TNFAIP3: variants seen among roughly 807,000 people sequenced by gnomAD.
The protein encoded by TNFAIP3 is TNF alpha induced protein 3, also known as tumor necrosis factor alpha-induced protein 3.
In TNFAIP3, 9 loss-of-function variants were observed where a neutral mutation model predicts 72.4. The observed-to-expected ratio is 0.12, with a 90% CI of 0.07 to 0.22. TNFAIP3 has a LOEUF of 0.22. TNFAIP3 is among the 10% of genes least tolerant of loss of function. The pLI is 1.00. For missense variants in TNFAIP3, 833 were observed against 1,018.7 expected (o/e 0.82, Z 2.48); for synonymous variants, 339 against 372.6 (o/e 0.91, Z 1.04).
intron 1 of TNFAIP3, chr6:137,868,103 A>T (rs548461270): frequency 2.6e-5 from 4 of 153,142 alleles, no homozygotes; most frequent in Admixed American, 1.3e-4. Context: ...TTCCAGTAGC[A>T]GCAGTGTAAG....
At chr6:137,875,165 T>C (rs546077675) in intron 3 of TNFAIP3, 130 bp downstream of exon 3, 1 of 1,083,344 alleles carries the variant, frequency 9.2e-7, no homozygotes, top group Admixed American at 2.3e-5. Flanking sequence ...CGAAGCATAC[T>C]CAATGGAAAA....
chr6:137,867,035 C>A (rs1396644729), upstream of TNFAIP3, among the ~76,000 whole-genome samples: 1 of 49,492 alleles, frequency 2.0e-5, no homozygotes, highest in Non-Finnish European at 4.1e-5. This position sits in a 1 kb window ranked among gnomAD's most constrained non-coding sequence, Gnocchi z 6.0. Context: ...CTGCAGGGAC[C>A]GGGCGGGGCG....
chr6:137,875,608 G>C, intron 3 of TNFAIP3, 80 bp from the exon 4 acceptor site: 1 of 1,488,984 alleles, frequency 6.7e-7, no homozygotes, highest in East Asian at 2.3e-5. Flanking sequence ...ATGAATAATT[G>C]TAGAGTGATG....
At position 137,875,848 on chromosome 6, in the gene TNFAIP3, C is replaced by G; in HGVS notation, c.634+13C>G. ...ATTGTCATTTCAGGTGAGATGCCTG[C>G]AGATCACGGATCTGTACTTAAATGC... On this transcript the variant is annotated intron_variant, in intron 4 of 8. Coordinates refer to ENST00000612899, the MANE Select transcript of TNFAIP3 (RefSeq NM_001270508.2). 1 of 1,614,012 alleles carries G rather than the reference C, an allele frequency of 6.2e-7. No homozygotes were observed. Among genetic ancestry groups the G allele is most frequent in the Non-Finnish European group, 8.5e-7 (1 of 1,179,926 alleles).
chr6:137,878,770 C>T lies in TNFAIP3; in HGVS notation c.1325C>T (p.Ala442Val), dbSNP rs894381079. The T allele has an allele frequency of 6.2e-7, 1 of 1,614,116 alleles. No homozygotes were observed. The highest frequency in any genetic ancestry group is 8.5e-7 in the Non-Finnish European group (1 of 1,180,040). The change falls in exon 7 of 9, where the codon GCC becomes GTC. Residue 442 changes from alanine (A) to valine (V), a missense_variant. Around this residue, in one of 2 missense-constraint regions of TNFAIP3, gnomAD observed 587 missense variants for 657.8 expected, o/e 0.89. Coordinates refer to ENST00000612899, the MANE Select transcript of TNFAIP3 (RefSeq NM_001270508.2). Reference protein sequence around the residue: ...GMALGASRGEAYEPLAWNPEE... With the variant: ...GMALGASRGEVYEPLAWNPEE... The stretch of plus-strand genomic sequence containing the variant: ...GCGCTCGGGGCCTCTCGGGGAGAAG[C>T]CTATGAGCCCTTGGCGTGGAACCCT...
chr6:137,881,268 G>A lies in TNFAIP3; in HGVS notation c.2322G>A (p.Lys774=), dbSNP rs1776452096. The A allele has an allele frequency of 6.3e-7, 1 of 1,588,540 alleles. No individual in the cohort carries two copies. The highest frequency in any genetic ancestry group is 1.4e-5 in the African/African-American group (1 of 73,932). Residue 774 remains lysine (K), a synonymous_variant, in exon 9 of 9, where the codon AAG becomes AAA. Coordinates refer to ENST00000612899, the MANE Select transcript of TNFAIP3 (RefSeq NM_001270508.2). This position sits in a 1 kb window ranked among gnomAD's most constrained non-coding sequence, Gnocchi z 5.0. Reference sequence around the variant, plus strand: ...CCTGTGATCATTTTGGCAATGCCAAGTGCAACGGCTACTGCAACGAATGCT... The same window carrying A: ...CCTGTGATCATTTTGGCAATGCCAAATGCAACGGCTACTGCAACGAATGCT... The part of the protein sequence containing the change: ...APACDHFGNA[K]CNGYCNECFQ...
chr6:137,871,915 A>G lies in TNFAIP3; in HGVS notation c.295+393A>G, dbSNP rs544130807. ...AGAATGGTGTGAAAACTGGTAGTACATTTGTTTCCCACTGTCATTAGAAAA... is the reference window on the plus strand; with the variant it reads ...AGAATGGTGTGAAAACTGGTAGTACGTTTGTTTCCCACTGTCATTAGAAAA... On this transcript the variant is annotated intron_variant, in intron 2 of 8. Transcript: ENST00000612899. This position sits in a 1 kb window ranked among gnomAD's most constrained non-coding sequence, Gnocchi z 4.2. Among the ~76,000 whole-genome samples the G allele has an allele frequency of 6.6e-6, 1 of 152,320 alleles. No homozygotes were observed. The highest frequency in any genetic ancestry group is 2.1e-4 in the South Asian group (1 of 4,828).
At chr6:137,872,557 G>C (rs1011399954) in intron 2 of TNFAIP3, among the ~76,000 whole-genome samples, 8 of 152,152 alleles carry the variant, frequency 5.3e-5, no homozygotes, top group African/African-American at 1.9e-4. Flanking sequence ...GGCTTTTTTT[G>C]ACTTGGGTAA....
Position 137,881,447 on chromosome 6 carries a change from A to G in TNFAIP3, c.*128A>G. 1.2e-6 allele frequency: 1 copy of G among 850,944 alleles called. No individual in the cohort carries two copies. The highest frequency in any genetic ancestry group is 1.8e-6 in the Non-Finnish European group (1 of 565,020). The allele number at this position is 850,944 out of a possible 1,614,324, so 52.7% of individuals were successfully genotyped here. A position where few individuals can be genotyped will look rare whatever the true frequency, so the allele number is the denominator to read the frequency against. On this transcript the variant is annotated 3_prime_UTR_variant, in exon 9 of 9. Transcript: ENST00000612899. The surrounding 1 kb of genome is among the most constrained non-coding windows in gnomAD (Gnocchi z 5.0). Reference sequence around the variant, plus strand: ...TTAAGGGTGTCTGAGCAGGAGAGGAAAGATAAGCTCTTCGTGGTGCCCACG... The same window carrying G: ...TTAAGGGTGTCTGAGCAGGAGAGGAGAGATAAGCTCTTCGTGGTGCCCACG...
At chr6:137,875,110 C>T (rs1424808037) in intron 3 of TNFAIP3, 75 bp downstream of exon 3, 1 of 1,532,926 alleles carries the variant, frequency 6.5e-7, no homozygotes, top group Non-Finnish European at 9.0e-7. Context: ...GAGTCCCTGC[C>T]CTCTGGTAGC....
At chr6:137,874,653 A>G (rs941722522) in intron 2 of TNFAIP3, among the ~76,000 whole-genome samples, 192 bp from the exon 3 acceptor site, 1 of 152,142 alleles carries the variant, frequency 6.6e-6, no homozygotes, top group Non-Finnish European at 1.5e-5. Flanking sequence ...GAAGAATAAA[A>G]AGAACTCTTT....
At chr6:137,867,134 C>T (rs1775863935), upstream of TNFAIP3, 1 of 151,570 alleles carries the variant, frequency 6.6e-6, no homozygotes, top group South Asian at 2.1e-4. The surrounding 1 kb of genome is among the most constrained non-coding windows in gnomAD (Gnocchi z 6.0). Context: ...GCCCCCTGCG[C>T]CCTCTGGCGG....
intron 8 of TNFAIP3, 38 bp downstream of exon 8, chr6:137,880,290 G>A: frequency 6.2e-7 from 1 of 1,610,094 alleles, no homozygotes; most frequent in Non-Finnish European, 8.5e-7. Flanking sequence ...CCTCCCGTGT[G>A]TTCGATGCTT....
intron 1 of TNFAIP3, among the ~76,000 whole-genome samples, chr6:137,869,805 T>A (rs1230321669): frequency 1.3e-5 from 2 of 152,222 alleles, no homozygotes; most frequent in Non-Finnish European, 2.9e-5. Context: ...GCAAATAAGA[T>A]GTTGCAGGAA....
chr6:137,867,169 G>T (rs1173437003), upstream of TNFAIP3: 2 of 151,876 alleles, frequency 1.3e-5, no homozygotes, highest in Non-Finnish European at 2.9e-5. This position sits in a 1 kb window ranked among gnomAD's most constrained non-coding sequence, Gnocchi z 6.0. Flanking sequence ...TTCGCAGCCC[G>T]ACCCAGAGAG....
Position 137,878,930 on chromosome 6 carries a change from T to C in TNFAIP3, c.1485T>C (p.Cys495=). The C allele has an allele frequency of 1.9e-6, 3 of 1,614,194 alleles. No homozygotes were observed. The highest frequency in any genetic ancestry group is 2.5e-6 in the Non-Finnish European group (3 of 1,180,028). Residue 495 remains cysteine, a synonymous_variant, in exon 7 of 9, where the codon TGT becomes TGC. Coordinates refer to ENST00000612899, the MANE Select transcript of TNFAIP3 (RefSeq NM_001270508.2). ...FTLNVQHNGF[C]ERCHNARQLH... ...TGAATGTGCAGCACAACGGATTTTG[T>C]GAACGTTGCCACAACGCCCGGCAAC...
In TNFAIP3 at chr6:137,871,290, A is replaced by T. The variant is rs183283680; in HGVS notation, c.63A>T (p.Ile21=). 11 of 1,614,122 alleles carry T rather than the reference A, an allele frequency of 6.8e-6. No homozygotes were observed. The East Asian group carries it at 2.5e-4, about 36-fold the overall frequency. ...GCAATATGCGGAAAGCTGTGAAGAT[A>T]CGGGAGAGAACTCCAGAAGACATTT... is the stretch of plus-strand genomic sequence containing the variant. ...YLSNMRKAVK[I]RERTPEDIFK... The change falls in exon 2 of 9, where the codon ATA becomes ATT. Residue 21 remains isoleucine (I), a synonymous_variant. Coordinates refer to ENST00000612899, the MANE Select transcript of TNFAIP3 (RefSeq NM_001270508.2). The surrounding 1 kb of genome is among the most constrained non-coding windows in gnomAD (Gnocchi z 4.2).
At chr6:137,866,845 T>C (rs1036433825), upstream of TNFAIP3, 2 of 152,326 alleles carry the variant, frequency 1.3e-5, no homozygotes, top group Admixed American at 6.5e-5. Context: ...TTATTTCCCT[T>C]CTTCTTCTCC....
At chr6:137,870,410 A>C (rs1205547883) in intron 1 of TNFAIP3, among the ~76,000 whole-genome samples, 2 of 152,230 alleles carry the variant, frequency 1.3e-5, no homozygotes, top group Non-Finnish European at 2.9e-5. Flanking sequence ...GGCATGAGCC[A>C]CCATGCCTAG....
Sources: allele counts gnomAD v4.1 joint callset (sites outside exome capture counted in the v4.1 genomes callset), GRCh38; gene constraint gnomAD v4.1.1; regional missense constraint gnomAD v4.1.1; non-coding constraint Gnocchi (gnomAD v3.1); transcripts MANE v1.5; gene names NCBI Gene and HGNC (gene_info 2026-07-23, HGNC 2026-07-21).